Variants in ATP9B observed in about 807,000 individuals in gnomAD.
ATP9B encodes probable phospholipid-transporting ATPase IIB.
Under a neutral mutation model 146.1 loss-of-function variants are expected in ATP9B, and 110 were observed. The observed-to-expected ratio is 0.75, with a 90% CI of 0.65 to 0.88. The LOEUF (loss-of-function observed/expected upper bound fraction) is 0.88, where lower values mean the gene tolerates loss of function less well. ATP9B is among the 40% of genes least tolerant of loss of function. The pLI, the probability that ATP9B is intolerant of heterozygous loss-of-function variation, is 0.00. For synonymous variants in ATP9B, 604 were observed against 569.7 expected, an observed-to-expected ratio of 1.06 and a Z score of -0.86; for missense variants, 1,499 against 1,496.4, an observed-to-expected ratio of 1.00 and a Z score of -0.03.
intron 5 of ATP9B, among the ~76,000 whole-genome samples, chr18:79,140,392 G>GT (rs1404994343): frequency 2.6e-5 from 4 of 152,098 alleles, no homozygotes; most frequent in Non-Finnish European, 4.4e-5. Context: ...GGAAATTATA[G>GT]TATTATATTT....
chr18:79,313,550 T>C (rs927103414), intron 15 of ATP9B, among the ~76,000 whole-genome samples: 4 of 152,232 alleles, frequency 2.6e-5, no homozygotes, highest in Non-Finnish European at 4.4e-5. Context: ...AAAACTGTAT[T>C]TGAAGTTTTA....
At chr18:79,264,963 G>T (rs1190310084) in intron 12 of ATP9B, among the ~76,000 whole-genome samples, 2 of 152,130 alleles carry the variant, frequency 1.3e-5, no homozygotes, top group Non-Finnish European at 2.9e-5. Context: ...TGTGATATAG[G>T]CAGACTTGTG....
intron 11 of ATP9B, among the ~76,000 whole-genome samples, chr18:79,236,177 T>G (rs1003819631): frequency 6.6e-6 from 1 of 152,238 alleles, no homozygotes; most frequent in African/African-American, 2.4e-5. Context: ...TTATTTTAAT[T>G]TTAGCATTCT....
At chr18:79,106,717 A>G (rs73003114) in intron 2 of ATP9B, among the ~76,000 whole-genome samples, 2,225 of 152,346 alleles carry the variant, frequency 0.015, 26 homozygotes, top group Non-Finnish European at 0.023. Context: ...ACAGGGTTAT[A>G]GAGGAAAAAA....
At chr18:79,203,256 G>A (rs1008133367) in intron 9 of ATP9B, among the ~76,000 whole-genome samples, 3 of 151,706 alleles carry the variant, frequency 2.0e-5, no homozygotes, top group Non-Finnish European at 4.4e-5. Flanking sequence ...AGCGATAGAG[G>A]CAGGAAGCTT....
intron 11 of ATP9B, among the ~76,000 whole-genome samples, chr18:79,246,048 T>C (rs112340246): frequency 1.8e-5 from 1 of 54,760 alleles, no homozygotes; most frequent in Non-Finnish European, 3.4e-5. Flanking sequence ...CTACTGACTG[T>C]GCGGAGGGCA....
intron 4 of ATP9B, among the ~76,000 whole-genome samples, chr18:79,123,377 T>A (rs1447508899): frequency 6.6e-6 from 1 of 152,062 alleles, no homozygotes; most frequent in East Asian, 1.9e-4. Context: ...ATGAAAGCTA[T>A]AAAAGAATTT....
chr18:79,204,363 G>A (rs921393821), intron 9 of ATP9B, among the ~76,000 whole-genome samples: 3 of 152,084 alleles, frequency 2.0e-5, no homozygotes, highest in Admixed American at 1.3e-4. Flanking sequence ...AAAAAATAAA[G>A]CAGTTAAAGG....
At chr18:79,072,142 CTT>C (rs34018028) in intron 1 of ATP9B, among the ~76,000 whole-genome samples, 1 of 146,004 alleles carries the variant, frequency 6.8e-6, no homozygotes. Flanking sequence ...TTCCCTAATT[CTT>C]TTTTTTTTTA....
chr18:79,286,646 C>T, intron 13 of ATP9B, among the ~76,000 whole-genome samples: 1 of 151,964 alleles, frequency 6.6e-6, no homozygotes, highest in East Asian at 1.9e-4. Flanking sequence ...CCAGAACTTC[C>T]AACACTATGT....
At chr18:79,132,250 C>T (rs551509923) in intron 5 of ATP9B, among the ~76,000 whole-genome samples, 19 of 152,078 alleles carry the variant, frequency 1.2e-4, no homozygotes, top group Non-Finnish European at 2.4e-4. Context: ...GAAAATTTAC[C>T]ATTTAAGAAA....
chr18:79,285,706 G>C (rs1369241396), intron 13 of ATP9B, among the ~76,000 whole-genome samples: 1 of 152,196 alleles, frequency 6.6e-6, no homozygotes, highest in Non-Finnish European at 1.5e-5. Context: ...CCTATGCCCT[G>C]AATGGTAATG....
In ATP9B at chr18:79,330,123, CGTG is replaced by C. The variant is rs1568712746; in HGVS notation, c.2028+22_2028+24del. 1 of 1,605,982 alleles carries C rather than the reference CGTG, an allele frequency of 6.2e-7. No homozygotes were observed. Among genetic ancestry groups the C allele is most frequent in the African/African-American group, 1.3e-5 (1 of 74,722 alleles). ...AGAGGAGGTATGTGAGTGACTCTAGCGTGGTTCACAGTGTTTCTATGGAAGAGG... is the reference window on the plus strand; with the variant it reads ...AGAGGAGGTATGTGAGTGACTCTAGCGTTCACAGTGTTTCTATGGAAGAGG... On this transcript the variant is annotated intron_variant, in intron 17 of 29. Transcript: ENST00000426216.
rs778059893 is a variant in ATP9B at position 79,359,456 on chromosome 18, C to T, written c.3006C>T (p.Leu1002=). Residue 1002 remains leucine (L), a synonymous_variant, in exon 26 of 30, where the codon CTC becomes CTT. Coordinates refer to ENST00000426216, the MANE Select transcript of ATP9B (RefSeq NM_198531.5). ...TCTACCCGGAGCTGTACAAGGACCT[C>T]ACCAAGGTACGGGCCTCAGGCAAGC... The part of the protein sequence containing the change: ...AMLYPELYKD[L]TKGRSLSFKT... 2.5e-6 allele frequency: 4 copies of T among 1,612,716 alleles called. No individual in the cohort carries two copies. In the Admixed American group the frequency reaches 5.0e-5, roughly 20 times the overall value.
At chr18:79,308,889 GCT>G (rs2096635242) in intron 15 of ATP9B, among the ~76,000 whole-genome samples, 1 of 120,220 alleles carries the variant, frequency 8.3e-6, no homozygotes, top group African/African-American at 3.5e-5. Context: ...AAGGTCAGGG[GCT>G]GAGGAGTGAT....
At chr18:79,313,625 A>AT (rs1291532636) in intron 15 of ATP9B, among the ~76,000 whole-genome samples, 1 of 152,096 alleles carries the variant, frequency 6.6e-6, no homozygotes, top group East Asian at 1.9e-4. Flanking sequence ...AGTATCTGGG[A>AT]TTTTTTATTT....
At chr18:79,147,414 C>T (rs1314027686) in intron 6 of ATP9B, among the ~76,000 whole-genome samples, 2 of 152,190 alleles carry the variant, frequency 1.3e-5, no homozygotes, top group Non-Finnish European at 2.9e-5. Flanking sequence ...GTCTATAGAA[C>T]ATTCACCAAG....
At chr18:79,189,293 G>A (rs1006316417) in intron 8 of ATP9B, among the ~76,000 whole-genome samples, 1 of 152,034 alleles carries the variant, frequency 6.6e-6, no homozygotes, top group African/African-American at 2.4e-5. Context: ...GTTGCAGTGA[G>A]CCGAGATCTT....
At chr18:79,286,633 TG>T (rs2096445650) in intron 13 of ATP9B, among the ~76,000 whole-genome samples, 1 of 152,110 alleles carries the variant, frequency 6.6e-6, no homozygotes, top group African/African-American at 2.4e-5. Flanking sequence ...CTAATTGCCC[TG>T]GCCAGAACTT....
Sources: gnomAD v4.1 joint callset for allele counts (sites outside exome capture counted in the v4.1 genomes callset) on GRCh38, gnomAD v4.1.1 for gene constraint, MANE v1.5 for transcripts, NCBI Gene and HGNC (gene_info 2026-07-23, HGNC 2026-07-21) for gene names.